The following SHISA9 variants were observed in gnomAD, a reference collection of about 807,000 sequenced individuals.
SHISA9 encodes shisa family member 9.
SHISA9 carries 13 observed loss-of-function variants against 38.0 expected under a neutral mutation model. The observed-to-expected ratio is 0.34, with a 90% CI of 0.22 to 0.54. The LOEUF (loss-of-function observed/expected upper bound fraction) is 0.54. Ranked by LOEUF, SHISA9 falls within the 20% of genes least tolerant of loss-of-function variation. The pLI is 0.91. For missense variants in SHISA9, 538 were observed against 575.8 expected (o/e 0.93, Z 0.67); for synonymous variants, 275 against 242.0 (o/e 1.14, Z -1.27).
intron 4 of SHISA9, among the ~76,000 whole-genome samples, chr16:13,218,730 A>T (rs1454642113): frequency 6.6e-6 from 1 of 152,208 alleles, no homozygotes; most frequent in African/African-American, 2.4e-5. Flanking sequence ...CATAGTAGGT[A>T]CTCAGTACAT....
At chr16:13,429,914 T>C in the SHISA9 span, among the ~76,000 whole-genome samples, 2 of 152,188 alleles carry the variant, frequency 1.3e-5, no homozygotes, top group African/African-American at 4.8e-5. Context: ...TTCTAACCCT[T>C]AGTATCTCAG....
chr16:13,087,853 T>C (rs2073730875), intron 2 of SHISA9, among the ~76,000 whole-genome samples: 2 of 152,346 alleles, frequency 1.3e-5, no homozygotes, highest in East Asian at 1.9e-4. Context: ...ATTTTGGCTT[T>C]TGTTGCCATT....
intron 2 of SHISA9, chr16:13,203,062 A>C (rs1348564824): frequency 5.6e-6 from 1 of 177,862 alleles, no homozygotes; most frequent in African/African-American, 2.3e-5. Context: ...CATTTCTTTG[A>C]CTGTTACTGA....
intron 2 of SHISA9, among the ~76,000 whole-genome samples, chr16:12,962,402 G>A (rs1487096659): frequency 1.3e-5 from 2 of 152,132 alleles, no homozygotes; most frequent in African/African-American, 4.8e-5. Flanking sequence ...CTTGTGTTAT[G>A]GACTGAATGT....
intron 2 of SHISA9, among the ~76,000 whole-genome samples, chr16:13,135,082 G>T (rs2050337255): frequency 6.6e-6 from 1 of 152,162 alleles, no homozygotes; most frequent in Admixed American, 6.5e-5. Flanking sequence ...CAATTCATTA[G>T]CTAAAACAAG....
intron 3 of SHISA9, chr16:13,204,694 G>C (rs991420732): frequency 1.3e-5 from 2 of 152,236 alleles, no homozygotes; most frequent in Non-Finnish European, 2.9e-5. Flanking sequence ...CCAAGTGCAA[G>C]ACATTGAATT....
chr16:13,107,095 A>C (rs2073932902), intron 2 of SHISA9, among the ~76,000 whole-genome samples: 1 of 151,908 alleles, frequency 6.6e-6, no homozygotes, highest in Non-Finnish European at 1.5e-5. Flanking sequence ...CTTTGCGTTT[A>C]TTCCCCGAGT....
At chr16:13,100,007 G>A (rs1319737197) in intron 2 of SHISA9, among the ~76,000 whole-genome samples, 1 of 152,176 alleles carries the variant, frequency 6.6e-6, no homozygotes, top group South Asian at 2.1e-4. Flanking sequence ...GGCTGGATGG[G>A]ACTCAGCAGG....
At chr16:12,972,266 G>T (rs1037752618) in intron 2 of SHISA9, among the ~76,000 whole-genome samples, 10 of 152,116 alleles carry the variant, frequency 6.6e-5, no homozygotes, top group Admixed American at 6.6e-5. Flanking sequence ...AAAACAGAAA[G>T]ATAAGAGGAA....
At chr16:13,371,259 G>T in the SHISA9 span, among the ~76,000 whole-genome samples, 3 of 152,176 alleles carry the variant, frequency 2.0e-5, no homozygotes, top group Non-Finnish European at 4.4e-5. Flanking sequence ...TATTCAGTCT[G>T]CAGACATTTA....
At chr16:13,534,442 C>G in the SHISA9 span, among the ~76,000 whole-genome samples, 2 of 152,086 alleles carry the variant, frequency 1.3e-5, no homozygotes, top group African/African-American at 4.8e-5. Flanking sequence ...CCAGGCTGCT[C>G]TCAAACTCCT....
chr16:12,915,737 G>C (rs1400173239), intron 1 of SHISA9, among the ~76,000 whole-genome samples: 1 of 152,208 alleles, frequency 6.6e-6, no homozygotes, highest in Non-Finnish European at 1.5e-5. Flanking sequence ...TTCACATTCA[G>C]CAATATGGCT....
chr16:13,261,805 G>A, the SHISA9 span, among the ~76,000 whole-genome samples: 1 of 152,108 alleles, frequency 6.6e-6, no homozygotes, highest in African/African-American at 2.4e-5. Context: ...GAGCCCAAGA[G>A]GACTGTGACA....
chr16:13,469,442 A>AAAGAAAAAGAAAGGAAGAGAAAGG, the SHISA9 span, among the ~76,000 whole-genome samples: 1 of 151,098 alleles, frequency 6.6e-6, no homozygotes, highest in East Asian at 2.0e-4. Flanking sequence ...AAAGAGAAAG[A>AAAGAAAAAGAAAGGAAGAGAAAGG]AAGAGAAAGA....
intron 1 of SHISA9, chr16:12,910,710 GCTT>G (rs2071171189): frequency 8.1e-6 from 8 of 985,356 alleles, no homozygotes; most frequent in Non-Finnish European, 9.6e-6. Context: ...AAAAAGCTTA[GCTT>G]CTTCTTCAGG....
chr16:13,065,233 CCTT>C (rs2073421058), intron 2 of SHISA9, among the ~76,000 whole-genome samples: 1 of 152,166 alleles, frequency 6.6e-6, no homozygotes, highest in African/African-American at 2.4e-5. Context: ...TTGCCACTGA[CCTT>C]CTTCTTCCTT....
the SHISA9 span, among the ~76,000 whole-genome samples, chr16:13,345,719 A>G: frequency 0.057 from 8,650 of 152,212 alleles, 408 homozygotes; most frequent in African/African-American, 0.13. Flanking sequence ...TCCCACCAAC[A>G]GTGTATAAGT....
At chr16:13,486,178 A>C in the SHISA9 span, among the ~76,000 whole-genome samples, 3 of 152,230 alleles carry the variant, frequency 2.0e-5, no homozygotes, top group African/African-American at 7.2e-5. Flanking sequence ...GGGGATCTAG[A>C]ACTCAGAAAG....
intron 2 of SHISA9, among the ~76,000 whole-genome samples, chr16:13,154,285 T>C (rs76909619): frequency 0.02 from 2,997 of 152,294 alleles, 94 homozygotes; most frequent in African/African-American, 0.067. Flanking sequence ...CCTGTTCTCC[T>C]CCCAAGCACA....
Sources: gnomAD v4.1 joint callset for allele counts (sites outside exome capture counted in the v4.1 genomes callset) on GRCh38, gnomAD v4.1.1 for gene constraint, MANE v1.5 for transcripts, NCBI Gene and HGNC (gene_info 2026-07-23, HGNC 2026-07-21) for gene names.